The following EEPD1 variants were observed in gnomAD, a reference collection of about 807,000 sequenced individuals.
The protein encoded by EEPD1 is endonuclease/exonuclease/phosphatase family domain-containing protein 1.
EEPD1 carries 17 observed loss-of-function variants against 46.3 expected under a neutral mutation model. The observed-to-expected ratio is 0.37, with a 90% CI of 0.25 to 0.55. EEPD1 has a LOEUF of 0.55. Among genes scored for constraint, EEPD1 ranks in the 20% least tolerant of loss-of-function variants. The pLI is 0.83. For missense variants in EEPD1, 673 were observed against 745.6 expected (o/e 0.90, Z 1.13); for synonymous variants, 313 against 315.6 (o/e 0.99, Z 0.09).
chr7:36,300,305 C>T lies in EEPD1; in HGVS notation c.*1099C>T, dbSNP rs1006030840. ...CCACTAGGCATCTGCATCCCCGAGC[C>T]CAAGCCAGGAGGGATTTCCCTTAGG... On this transcript the variant is annotated 3_prime_UTR_variant, in exon 8 of 8. Coordinates refer to ENST00000242108, the MANE Select transcript of EEPD1 (RefSeq NM_030636.3). 6.6e-6 allele frequency: 1 copy of T among 152,214 alleles called. No individual in the cohort carries two copies. The highest frequency in any genetic ancestry group is 1.9e-4 in the East Asian group (1 of 5,188). The allele number at this position is 152,214 out of a possible 1,614,324, so 9.4% of individuals were successfully genotyped here. A position where few individuals can be genotyped will look rare whatever the true frequency, so the allele number is the denominator to read the frequency against.
intron 6 of EEPD1, among the ~76,000 whole-genome samples, chr7:36,296,041 A>AAAG (rs1787519476): frequency 6.6e-6 from 1 of 151,284 alleles, no homozygotes; most frequent in East Asian, 1.9e-4. Context: ...AAAAAAAAAA[A>AAAG]AAAAAAAAAA....
intron 2 of EEPD1, among the ~76,000 whole-genome samples, chr7:36,223,153 AAAATAAAT>A (rs142182000): frequency 3.3e-5 from 5 of 150,396 alleles, no homozygotes; most frequent in Non-Finnish European, 5.9e-5. Context: ...TGTGTCTCAA[AAAATAAAT>A]AAATAAATAA....
At chr7:36,254,294 A>T (rs1471932194) in intron 3 of EEPD1, among the ~76,000 whole-genome samples, 1 of 152,096 alleles carries the variant, frequency 6.6e-6, no homozygotes, top group African/African-American at 2.4e-5. Context: ...CGACTCCCTG[A>T]CAGGCCCCAG....
chr7:36,159,078 G>T (rs1346391808), intron 2 of EEPD1, among the ~76,000 whole-genome samples: 8 of 152,174 alleles, frequency 5.3e-5, no homozygotes, highest in Non-Finnish European at 8.8e-5. Context: ...AGTGAAAAAA[G>T]ATTTTACTTT....
In EEPD1 at chr7:36,238,468, A is replaced by T. The variant is rs535505592; in HGVS notation, c.879-517A>T. On this transcript the variant is annotated intron_variant, in intron 2 of 7. Transcript: ENST00000242108. ...TCTGTGTGAATTTGACTACTCTAAGATATCTCATATAAGTGGGATCGTATA... is the reference window on the plus strand; with the variant it reads ...TCTGTGTGAATTTGACTACTCTAAGTTATCTCATATAAGTGGGATCGTATA... 1.2e-4 allele frequency among the ~76,000 whole-genome samples: 18 copies of T among 152,310 alleles called. No homozygotes were observed. The South Asian group carries it at 3.7e-3, about 32-fold the overall frequency.
At chr7:36,273,207 C>T (rs1029628211) in intron 3 of EEPD1, among the ~76,000 whole-genome samples, 2 of 152,038 alleles carry the variant, frequency 1.3e-5, no homozygotes, top group Admixed American at 6.6e-5. Flanking sequence ...GTAAGTGACC[C>T]GGCTATGTTA....
chr7:36,230,542 T>C (rs1583822182), intron 2 of EEPD1, among the ~76,000 whole-genome samples: 1 of 152,282 alleles, frequency 6.6e-6, no homozygotes, highest in East Asian at 1.9e-4. Context: ...CCCTTGTTCC[T>C]TTGCTCTTGC....
chr7:36,216,270 A>T (rs1475517870), intron 2 of EEPD1, among the ~76,000 whole-genome samples: 1 of 152,098 alleles, frequency 6.6e-6, no homozygotes, highest in Non-Finnish European at 1.5e-5. Flanking sequence ...TTTCCATGTG[A>T]CTCACAGTGG....
At chr7:36,186,071 G>A (rs183075722) in intron 2 of EEPD1, among the ~76,000 whole-genome samples, 1 of 152,040 alleles carries the variant, frequency 6.6e-6, no homozygotes, top group Admixed American at 6.5e-5. Context: ...TCTTTTGCAG[G>A]TTTGGCTTCT....
intron 2 of EEPD1, among the ~76,000 whole-genome samples, chr7:36,237,622 A>G (rs1184016542): frequency 6.6e-6 from 1 of 152,180 alleles, no homozygotes; most frequent in Non-Finnish European, 1.5e-5. Context: ...TATAAAGTGA[A>G]AGCAAGTTTA....
At chr7:36,197,279 G>A (rs1211498416) in intron 2 of EEPD1, among the ~76,000 whole-genome samples, 29 of 143,048 alleles carry the variant, frequency 2.0e-4, no homozygotes, top group African/African-American at 7.5e-4. Context: ...CGCCCCGTCC[G>A]GGAGGGAGGT....
rs557681027 is a variant in EEPD1 at position 36,226,259 on chromosome 7, G to A, written c.879-12726G>A. On this transcript the variant is annotated intron_variant, in intron 2 of 7. Coordinates refer to ENST00000242108, the MANE Select transcript of EEPD1 (RefSeq NM_030636.3). ...GTCTTTATTCTAATCCTCAAGAAGT[G>A]TTAGTGGCTAAAGAAAGGCTCTGAA... Among the ~76,000 whole-genome samples, 12 of 152,296 alleles carry A rather than the reference G, an allele frequency of 7.9e-5. 1 individual carries two copies. The highest frequency in any genetic ancestry group is 7.8e-4 in the Admixed American group (12 of 15,306).
intron 3 of EEPD1, among the ~76,000 whole-genome samples, chr7:36,272,631 C>T (rs964298974): frequency 9.9e-5 from 15 of 151,790 alleles, no homozygotes; most frequent in African/African-American, 3.6e-4. Flanking sequence ...GGTGGGAGAG[C>T]ACGTGGGTGT....
intron 3 of EEPD1, among the ~76,000 whole-genome samples, chr7:36,249,581 AATG>A (rs1786700372): frequency 6.6e-6 from 1 of 152,232 alleles, no homozygotes; most frequent in Admixed American, 6.5e-5. Context: ...ATCCATCAAA[AATG>A]ATAAGATCTT....
At chr7:36,169,356 T>C (rs34134022) in intron 2 of EEPD1, among the ~76,000 whole-genome samples, 19,096 of 152,238 alleles carry the variant, frequency 0.13, 1,243 homozygotes, top group Non-Finnish European at 0.15. Context: ...CCACCAGCAA[T>C]GTATGAGGGG....
In EEPD1 at chr7:36,281,205, C is replaced by T. The variant is rs746316571; in HGVS notation, c.1021C>T (p.Pro341Ser). 2.5e-6 allele frequency: 4 copies of T among 1,614,032 alleles called. No homozygotes were observed. The highest frequency in any genetic ancestry group is 1.7e-5 in the Admixed American group (1 of 60,008). Reference protein sequence around the residue: ...GCWKAVVAEKPSSQLQKGAGY... With the variant: ...GCWKAVVAEKSSSQLQKGAGY... ...CTGGAAGGCTGTTGTTGCTGAGAAG[C>T]CCTCGAGTCAGCTCCAGAAGGTACC... Residue 341 changes from proline (P) to serine (S), a missense_variant, in exon 4 of 8, where the codon CCC (proline) becomes TCC (serine). Physicochemically the swap from Pro to Ser is moderately conservative, Grantham distance 74. Coordinates refer to ENST00000242108, the MANE Select transcript of EEPD1 (RefSeq NM_030636.3).
chr7:36,196,057 A>G (rs1785576716), intron 2 of EEPD1, among the ~76,000 whole-genome samples: 1 of 152,238 alleles, frequency 6.6e-6, no homozygotes, highest in Admixed American at 6.5e-5. Context: ...TGTACTGAAT[A>G]TTATAACTGT....
At position 36,156,377 on chromosome 7, in the gene EEPD1, G is replaced by A. The variant is rs867784410; in HGVS notation, c.878+1175G>A. ...GAACTGGACTGGGGAGCCCTTGAAT[G>A]CTCTCCCTGCACTGCTGTGTCCTCT... On this transcript the variant is annotated intron_variant, in intron 2 of 7. Transcript: ENST00000242108. 3.3e-5 allele frequency among the ~76,000 whole-genome samples: 5 copies of A among 152,128 alleles called. No individual in the cohort carries two copies. The South Asian group carries it at 6.2e-4, about 19-fold the overall frequency.
At chr7:36,250,779 G>A (rs1786725747) in intron 3 of EEPD1, among the ~76,000 whole-genome samples, 1 of 152,142 alleles carries the variant, frequency 6.6e-6, no homozygotes, top group Non-Finnish European at 1.5e-5. Flanking sequence ...ACATATAGAG[G>A]TACTCATTGA....
Sources: allele counts gnomAD v4.1 joint callset (sites outside exome capture counted in the v4.1 genomes callset), GRCh38; gene constraint gnomAD v4.1.1; transcripts MANE v1.5; gene names NCBI Gene and HGNC (gene_info 2026-07-23, HGNC 2026-07-21).